RPP14: variants seen among roughly 807,000 people sequenced by gnomAD.
The protein encoded by RPP14 is ribonuclease P/MRP subunit p14, also known as ribonuclease P protein subunit p14.
Under a neutral mutation model 17.8 loss-of-function variants are expected in RPP14, and 19 were observed. That is an observed-to-expected ratio of 1.07 (90% CI 0.74 to 1.57). RPP14 has a LOEUF of 1.57. RPP14 is among the 40% of genes most tolerant of loss of function. The pLI is 0.00. For missense variants in RPP14, 125 were observed against 140.8 expected, an observed-to-expected ratio of 0.89 and a Z score of 0.57; for synonymous variants, 60 against 56.4, an observed-to-expected ratio of 1.06 and a Z score of -0.29.
rs1346271607 is a variant in RPP14 at position 58,306,437 on chromosome 3, AG to A, written c.-22+21del. 1 of 152,328 alleles carries A rather than the reference AG, an allele frequency of 6.6e-6. No individual in the cohort carries two copies. The highest frequency in any genetic ancestry group is 1.5e-5 in the Non-Finnish European group (1 of 68,102). 9.4% of individuals were successfully genotyped at this position (152,328 alleles called of 1,614,324 possible). ...GAGTGGGTAGGTGGAAGCCTTCCAAAGAGCGGCGGTTGTCTGGGAGCCGTCT... is the reference window on the plus strand; with the variant it reads ...GAGTGGGTAGGTGGAAGCCTTCCAAAAGCGGCGGTTGTCTGGGAGCCGTCT... On this transcript the variant is annotated intron_variant, in intron 1 of 5. Coordinates refer to ENST00000295959, the MANE Select transcript of RPP14 (RefSeq NM_007042.6).
intron 3 of RPP14, 149 bp downstream of exon 3, chr3:58,310,740 GC>G (rs1268818383): frequency 5.0e-6 from 3 of 602,248 alleles, no homozygotes; most frequent in African/African-American, 1.9e-5. Context: ...GACCATCCTG[GC>G]CAACATGGTG....
intron 5 of RPP14, among the ~76,000 whole-genome samples, 173 bp from the exon 6 acceptor site, chr3:58,317,267 G>A (rs563535513): frequency 2.3e-4 from 35 of 152,204 alleles, no homozygotes; most frequent in Non-Finnish European, 3.5e-4. Flanking sequence ...TTATATATTG[G>A]TACGCTCTTT....
intron 3 of RPP14, among the ~76,000 whole-genome samples, chr3:58,311,530 A>G (rs2097482225): frequency 6.6e-6 from 1 of 152,214 alleles, no homozygotes; most frequent in Non-Finnish European, 1.5e-5. Context: ...GGCTTCACTT[A>G]ACAAAATGGC....
At position 58,317,853 on chromosome 3, in the gene RPP14, T is replaced by C. The variant is rs2097490011; in HGVS notation, c.*357T>C. The C allele has an allele frequency of 1.4e-6, 1 of 703,008 alleles. No individual in the cohort carries two copies. The highest frequency in any genetic ancestry group is 2.6e-6 in the Non-Finnish European group (1 of 385,002). 43.5% of individuals were successfully genotyped at this position (703,008 alleles called of 1,614,324 possible). On this transcript the variant is annotated 3_prime_UTR_variant, in exon 6 of 6. Transcript: ENST00000295959. ...TTGCAAAACACACCAAGTTTGGAAA[T>C]ACAATTGTACATGGAGTTTTGATCA...
chr3:58,317,711 A>C lies in RPP14; in HGVS notation c.*215A>C. 2.8e-6 allele frequency: 2 copies of C among 704,082 alleles called. No homozygotes were observed. Among genetic ancestry groups the C allele is most frequent in the South Asian group, 3.0e-5 (2 of 67,632 alleles). 43.6% of individuals were successfully genotyped at this position (704,082 alleles called of 1,614,324 possible). A position where few individuals can be genotyped will look rare whatever the true frequency, so the allele number is the denominator to read the frequency against. On this transcript the variant is annotated 3_prime_UTR_variant, in exon 6 of 6. Coordinates refer to ENST00000295959, the MANE Select transcript of RPP14 (RefSeq NM_007042.6). ...GTGCTGACCCTGCAGCACTTTCAGC[A>C]TATGCACATCAAAGTTGGAGACCGC...
rs756801480 is a variant in RPP14 at position 58,317,735 on chromosome 3, G to A, written c.*239G>A. 3.3e-5 allele frequency: 23 copies of A among 703,410 alleles called. No homozygotes were observed. Among genetic ancestry groups the A allele is most frequent in the Middle Eastern group, 4.6e-4 (2 of 4,392 alleles). 43.6% of individuals were successfully genotyped at this position (703,410 alleles called of 1,614,324 possible). ...CATATGCACATCAAAGTTGGAGACCGCGCTGAACTTAGGAGGGCCTTCACA... is the reference window on the plus strand; with the variant it reads ...CATATGCACATCAAAGTTGGAGACCACGCTGAACTTAGGAGGGCCTTCACA... On this transcript the variant is annotated 3_prime_UTR_variant, in exon 6 of 6. Coordinates refer to ENST00000295959, the MANE Select transcript of RPP14 (RefSeq NM_007042.6).
chr3:58,310,274 C>T (rs910091813), intron 1 of RPP14, 35 bp from the exon 2 acceptor site: 2 of 1,478,468 alleles, frequency 1.4e-6, no homozygotes, highest in African/African-American at 2.8e-5. Flanking sequence ...ATAGCATGTG[C>T]ATTGGTCATT....
intron 4 of RPP14, 32 bp downstream of exon 4, chr3:58,316,623 A>G: frequency 6.3e-7 from 1 of 1,578,722 alleles, no homozygotes; most frequent in Non-Finnish European, 8.7e-7. Context: ...TTCTAGTATA[A>G]CAGGGCAGAG....
Position 58,316,523 on chromosome 3 carries a change from C to T in RPP14, c.171C>T (p.Ala57=), listed in dbSNP as rs752440972. 15 of 1,613,668 alleles carry T rather than the reference C, an allele frequency of 9.3e-6. No homozygotes were observed. Among genetic ancestry groups the T allele is most frequent in the Non-Finnish European group, 1.1e-5 (13 of 1,179,738 alleles). Residue 57 remains alanine (A), a synonymous_variant, in exon 4 of 6, where the codon GCC becomes GCT. Coordinates refer to ENST00000295959, the MANE Select transcript of RPP14 (RefSeq NM_007042.6). ...CATTATTCCATATGCAGGTTGATGC[C>T]GCCTTACCTTTGGACATCCTAACCT... ...AVKDLFGEVD[A]ALPLDILTYE... is the part of the protein sequence containing the mutation.
intron 1 of RPP14, chr3:58,307,632 G>C (rs2097476944): frequency 6.6e-6 from 1 of 152,196 alleles, no homozygotes; most frequent in African/African-American, 2.4e-5. Context: ...AGACTGAGGA[G>C]CGAGAATTGC....
At chr3:58,307,594 C>T (rs994019302) in intron 1 of RPP14, among the ~76,000 whole-genome samples, 15 of 152,120 alleles carry the variant, frequency 9.9e-5, no homozygotes, top group African/African-American at 3.1e-4. Context: ...GGCGTGATGA[C>T]GTACGCCTGT....
chr3:58,313,761 G>A (rs564251026), intron 3 of RPP14, among the ~76,000 whole-genome samples: 7 of 152,316 alleles, frequency 4.6e-5, no homozygotes, highest in African/African-American at 1.7e-4. Context: ...AGAGCTCAAG[G>A]TTGCAATGAG....
chr3:58,316,050 CCCTGTGTGTA>C (rs1390384742), intron 3 of RPP14, among the ~76,000 whole-genome samples: 4 of 152,262 alleles, frequency 2.6e-5, no homozygotes, highest in African/African-American at 7.2e-5. Flanking sequence ...AAAAAAATAT[CCCTGTGTGTA>C]CCTGTGTGTC....
chr3:58,318,022 A>G lies in RPP14; in HGVS notation c.*526A>G. On this transcript the variant is annotated 3_prime_UTR_variant, in exon 6 of 6. Coordinates refer to ENST00000295959, the MANE Select transcript of RPP14 (RefSeq NM_007042.6). Reference sequence around the variant, plus strand: ...AGAAGTGAAAAAGCTGAAGCGGTTCATTGCTATTATTGCAGTGTCATGTTC... The same window carrying G: ...AGAAGTGAAAAAGCTGAAGCGGTTCGTTGCTATTATTGCAGTGTCATGTTC... The G allele has an allele frequency of 1.4e-6, 1 of 702,776 alleles. No individual in the cohort carries two copies. Among genetic ancestry groups the G allele is most frequent in the Non-Finnish European group, 2.6e-6 (1 of 384,952 alleles). The allele number at this position is 702,776 out of a possible 1,614,324, so 43.5% of individuals were successfully genotyped here.
rs778709664 is a variant in RPP14 at position 58,317,534 on chromosome 3, T to G, written c.*38T>G. ...CCATTTTGGAAACGTTCATCCACTC[T>G]CATATTTATTTTTTGGTGCCTGCAT... is the stretch of plus-strand genomic sequence containing the variant. On this transcript the variant is annotated 3_prime_UTR_variant, in exon 6 of 6. Coordinates refer to ENST00000295959, the MANE Select transcript of RPP14 (RefSeq NM_007042.6). The G allele has an allele frequency of 1.4e-6, 2 of 1,389,802 alleles. No individual in the cohort carries two copies. Among genetic ancestry groups the G allele is most frequent in the Non-Finnish European group, 2.0e-6 (2 of 985,082 alleles). 86.1% of individuals were successfully genotyped at this position (1,389,802 alleles called of 1,614,324 possible).
At chr3:58,309,332 C>G (rs2097479452) in intron 1 of RPP14, among the ~76,000 whole-genome samples, 1 of 152,182 alleles carries the variant, frequency 6.6e-6, no homozygotes, top group Admixed American at 6.5e-5. Context: ...CCTACGTTTA[C>G]TAAACCTCTG....
At chr3:58,317,090 A>G in intron 5 of RPP14, 97 bp downstream of exon 5, 2 of 879,960 alleles carry the variant, frequency 2.3e-6, no homozygotes, top group Non-Finnish European at 1.8e-6. Flanking sequence ...CATAAATGTA[A>G]TATGGTTAAA....
rs1435081900 is a variant in RPP14, at chr3:58,317,779, T to G, written c.*283T>G. ...CTTCACACAGACTGATGTGGCTACC[T>G]TCTCAGAATTAACAGGGGATGTCAA... On this transcript the variant is annotated 3_prime_UTR_variant, in exon 6 of 6. Transcript: ENST00000295959. The G allele has an allele frequency of 1.4e-6, 1 of 703,146 alleles. No homozygotes were observed. Among genetic ancestry groups the G allele is most frequent in the East Asian group, 2.7e-5 (1 of 37,298 alleles). The allele number at this position is 703,146 out of a possible 1,614,324, so 43.6% of individuals were successfully genotyped here. A position where few individuals can be genotyped will look rare whatever the true frequency, so the allele number is the denominator to read the frequency against.
chr3:58,311,657 G>C (rs2097482356), intron 3 of RPP14, among the ~76,000 whole-genome samples: 1 of 140,588 alleles, frequency 7.1e-6, no homozygotes, highest in African/African-American at 2.6e-5. Context: ...GGGCACTTAA[G>C]TTCTACATTT....
Sources: gnomAD v4.1 joint callset for allele counts (sites outside exome capture counted in the v4.1 genomes callset) on GRCh38, gnomAD v4.1.1 for gene constraint, MANE v1.5 for transcripts, NCBI Gene and HGNC (gene_info 2026-07-23, HGNC 2026-07-21) for gene names.